Variants in RAPGEF4 observed in about 807,000 individuals in gnomAD.
The protein encoded by RAPGEF4 is RAP guanine-nucleotide-exchange factor (GEF) 4.
RAPGEF4 carries 66 observed loss-of-function variants against 147.9 expected under a neutral mutation model. That is an observed-to-expected ratio of 0.45 (90% CI 0.37 to 0.55). The LOEUF (loss-of-function observed/expected upper bound fraction) is 0.55, where lower values mean the gene tolerates loss of function less well. Among genes scored for constraint, RAPGEF4 ranks in the 20% least tolerant of loss-of-function variants. RAPGEF4 has a pLI of 0.00. For missense variants in RAPGEF4, 1,071 were observed against 1,257.3 expected (o/e 0.85, Z 2.24); for synonymous variants, 419 against 442.7 (o/e 0.95, Z 0.67).
chr2:172,935,599 G>A (rs1454311982), intron 6 of RAPGEF4, among the ~76,000 whole-genome samples: 2 of 152,164 alleles, frequency 1.3e-5, no homozygotes, highest in East Asian at 3.9e-4. Context: ...TAGTCTTCAT[G>A]CCTTGTTTAT....
At chr2:172,843,073 A>G (rs911954844) in intron 4 of RAPGEF4, among the ~76,000 whole-genome samples, 2 of 152,216 alleles carry the variant, frequency 1.3e-5, no homozygotes, top group African/African-American at 4.8e-5. Flanking sequence ...ATGATGAACT[A>G]GAATGATCTG....
intron 4 of RAPGEF4, among the ~76,000 whole-genome samples, chr2:172,905,178 C>T (rs1699497110): frequency 6.6e-6 from 1 of 152,150 alleles, no homozygotes; most frequent in Non-Finnish European, 1.5e-5. Flanking sequence ...TTTGCCCTCT[C>T]CTCCCCACCC....
In RAPGEF4 at chr2:173,043,687, C is replaced by T. The variant is rs35341757; in HGVS notation, c.2854-4913C>T. 8.3e-3 allele frequency among the ~76,000 whole-genome samples: 1,270 copies of T among 152,314 alleles called. 12 individuals carry two copies. The highest frequency in any genetic ancestry group is 0.028 in the African/African-American group (1,182 of 41,554). ...GAAAGTGGAACTTGGCTGGCCTGCT[C>T]CTGAGGGGAGGACACCACAGAAGGG... On this transcript the variant is annotated intron_variant, in intron 29 of 30. Coordinates refer to ENST00000397081, the MANE Select transcript of RAPGEF4 (RefSeq NM_007023.4).
chr2:172,737,624 C>T (rs1010640897), intron 1 of RAPGEF4, among the ~76,000 whole-genome samples: 2 of 151,872 alleles, frequency 1.3e-5, no homozygotes, highest in South Asian at 2.1e-4. Flanking sequence ...TGTGTATCTG[C>T]CTAAATGATT....
intron 6 of RAPGEF4, among the ~76,000 whole-genome samples, chr2:172,922,904 A>G (rs1015746013): frequency 3.9e-5 from 6 of 152,228 alleles, no homozygotes; most frequent in Admixed American, 3.9e-4. Context: ...TATTCATTCT[A>G]TTAACTAACA....
At chr2:172,943,702 C>A (rs1172828676) in intron 6 of RAPGEF4, among the ~76,000 whole-genome samples, 1 of 152,216 alleles carries the variant, frequency 6.6e-6, no homozygotes, top group Non-Finnish European at 1.5e-5. Context: ...TACCCCACAA[C>A]CCAAAATCAG....
At chr2:172,898,043 C>G (rs1419725729) in intron 4 of RAPGEF4, among the ~76,000 whole-genome samples, 1 of 152,084 alleles carries the variant, frequency 6.6e-6, no homozygotes, top group South Asian at 2.1e-4. Flanking sequence ...CTGAGCACAG[C>G]TGTGTGGGGA....
intron 4 of RAPGEF4, among the ~76,000 whole-genome samples, chr2:172,912,783 A>G (rs540699531): frequency 8.7e-4 from 132 of 152,084 alleles, no homozygotes; most frequent in African/African-American, 3.1e-3. Flanking sequence ...CCTCAGGGGC[A>G]CTTTTCATTT....
intron 18 of RAPGEF4, among the ~76,000 whole-genome samples, chr2:173,015,007 G>T (rs1173670091): frequency 1.3e-5 from 2 of 152,098 alleles, no homozygotes; most frequent in African/African-American, 2.4e-5. Flanking sequence ...TGACCATTGA[G>T]TAGCCATGTC....
chr2:172,882,817 T>A (rs1260225959), intron 4 of RAPGEF4, among the ~76,000 whole-genome samples: 1 of 152,078 alleles, frequency 6.6e-6, no homozygotes, highest in Admixed American at 6.6e-5. Context: ...ATCATCATCA[T>A]CATCATCACC....
chr2:172,791,903 G>A (rs72902296), intron 1 of RAPGEF4, among the ~76,000 whole-genome samples: 2,256 of 152,288 alleles, frequency 0.015, 19 homozygotes, highest in South Asian at 0.03. Flanking sequence ...GAGATGCTCT[G>A]GTGAGAATAA....
intron 4 of RAPGEF4, among the ~76,000 whole-genome samples, chr2:172,864,765 C>T (rs1181678694): frequency 1.3e-5 from 2 of 152,192 alleles, no homozygotes. Flanking sequence ...ATTAGCCAGG[C>T]ATGGTGGCAC....
At chr2:172,753,875 TACACACAC>T (rs58877556) in intron 1 of RAPGEF4, among the ~76,000 whole-genome samples, 4 of 146,474 alleles carry the variant, frequency 2.7e-5, no homozygotes, top group Non-Finnish European at 4.5e-5. Flanking sequence ...ACAGTGTATG[TACACACAC>T]ACACACACAC....
intron 1 of RAPGEF4, among the ~76,000 whole-genome samples, chr2:172,759,119 C>T (rs527553872): frequency 6.6e-6 from 1 of 152,126 alleles, no homozygotes; most frequent in East Asian, 1.9e-4. Flanking sequence ...AGAAGAAAGA[C>T]CAAAATCTGG....
At chr2:172,799,199 AG>A (rs1252012177) in intron 3 of RAPGEF4, among the ~76,000 whole-genome samples, 2 of 152,212 alleles carry the variant, frequency 1.3e-5, no homozygotes, top group Non-Finnish European at 2.9e-5. Context: ...AGCACTTAAC[AG>A]GTATTTATTT....
chr2:172,757,155 T>C (rs760358454), intron 1 of RAPGEF4, among the ~76,000 whole-genome samples: 1 of 152,236 alleles, frequency 6.6e-6, no homozygotes, highest in Non-Finnish European at 1.5e-5. Flanking sequence ...AGCCAAACAG[T>C]GTAGCTATTT....
At chr2:173,007,779 G>A (rs536807949) in intron 17 of RAPGEF4, among the ~76,000 whole-genome samples, 5 of 152,230 alleles carry the variant, frequency 3.3e-5, no homozygotes, top group African/African-American at 4.8e-5. Flanking sequence ...AGAAATAGAC[G>A]CAGTGGTCAG....
intron 4 of RAPGEF4, among the ~76,000 whole-genome samples, chr2:172,820,803 AT>A (rs1688988707): frequency 6.6e-6 from 1 of 152,204 alleles, no homozygotes. Flanking sequence ...CTATTCCCTA[AT>A]TTTCAGAATG....
At chr2:172,782,941 A>G (rs913408634) in intron 1 of RAPGEF4, among the ~76,000 whole-genome samples, 2 of 152,152 alleles carry the variant, frequency 1.3e-5, no homozygotes, top group Non-Finnish European at 2.9e-5. Context: ...TACTGAGGTT[A>G]GATGCTCAGG....
Sources: gnomAD v4.1 joint callset for allele counts (sites outside exome capture counted in the v4.1 genomes callset) on GRCh38, gnomAD v4.1.1 for gene constraint, MANE v1.5 for transcripts, NCBI Gene and HGNC (gene_info 2026-07-23, HGNC 2026-07-21) for gene names.